Variants in EPHX4 observed in about 807,000 individuals in gnomAD.
The protein encoded by EPHX4 is epoxide hydrolase 4.
In EPHX4, 31 loss-of-function variants were observed where a neutral mutation model predicts 44.9. The ratio of observed to expected loss-of-function variants is 0.69; its 90% CI spans 0.52 to 0.93. The LOEUF is 0.93. Among genes scored for constraint, EPHX4 ranks in the 40% least tolerant of loss-of-function variants. The probability of loss-of-function intolerance (pLI) is 0.00; values close to 1 mark genes in which losing one functional copy is unlikely to be tolerated. For synonymous variants in EPHX4, 151 were observed against 159.7 expected, an observed-to-expected ratio of 0.95 and a Z score of 0.41; for missense variants, 373 against 438.1, an observed-to-expected ratio of 0.85 and a Z score of 1.33.
intron 6 of EPHX4, among the ~76,000 whole-genome samples, chr1:92,060,240 C>T (rs964462003): frequency 6.6e-6 from 1 of 151,350 alleles, no homozygotes; most frequent in Non-Finnish European, 1.5e-5. Context: ...GACAATGTGT[C>T]TAGAAAAAAA....
Position 92,030,277 on chromosome 1 carries a change from C to G in EPHX4, c.198C>G (p.Pro66=). 6.3e-7 allele frequency: 1 copy of G among 1,597,620 alleles called. No homozygotes were observed. Among genetic ancestry groups the G allele is most frequent in the Non-Finnish European group, 8.5e-7 (1 of 1,172,736 alleles). ...ACCCTCCCGCGTGCCTGAGCGACCC[C>G]TCCTTGGGCACCCACTGCTACGTGC... is the stretch of plus-strand genomic sequence containing the variant. The part of the protein sequence containing the change: ...REHPPACLSD[P]SLGTHCYVRI... The change falls in exon 1 of 7, where the codon CCC becomes CCG. Residue 66 remains proline, a synonymous_variant. Coordinates refer to ENST00000370383, the MANE Select transcript of EPHX4 (RefSeq NM_173567.5).
At chr1:92,058,377 G>T (rs1647417966) in intron 6 of EPHX4, among the ~76,000 whole-genome samples, 1 of 151,716 alleles carries the variant, frequency 6.6e-6, no homozygotes, top group African/African-American at 2.4e-5. Context: ...GGAGGTGGAG[G>T]TTGTGGTGAG....
At chr1:92,048,404 T>C (rs1029544313) in intron 4 of EPHX4, among the ~76,000 whole-genome samples, 1 of 152,182 alleles carries the variant, frequency 6.6e-6, no homozygotes, top group South Asian at 2.1e-4. Flanking sequence ...AGCAAGAAAA[T>C]ACTTGGAATA....
chr1:92,054,945 C>A (rs1346474590), intron 6 of EPHX4, among the ~76,000 whole-genome samples: 2 of 151,886 alleles, frequency 1.3e-5, no homozygotes, highest in Admixed American at 6.6e-5. Context: ...ATGTAAAAAG[C>A]AAGTTGTAAT....
intron 4 of EPHX4, among the ~76,000 whole-genome samples, chr1:92,046,742 G>A (rs1053797716): frequency 3.9e-5 from 6 of 152,158 alleles, no homozygotes; most frequent in African/African-American, 1.2e-4. Flanking sequence ...GATTACAGGC[G>A]TGAGCCACCG....
chr1:92,044,894 G>T (rs143047406), intron 3 of EPHX4, among the ~76,000 whole-genome samples: 1 of 151,954 alleles, frequency 6.6e-6, no homozygotes, highest in East Asian at 1.9e-4. Context: ...CAGGTCCATG[G>T]GACCAGAGCT....
At chr1:92,060,650 G>C (rs1647475861) in intron 6 of EPHX4, among the ~76,000 whole-genome samples, 1 of 151,596 alleles carries the variant, frequency 6.6e-6, no homozygotes, top group Admixed American at 6.6e-5. Context: ...CGGGTGCGAT[G>C]GCTCACACCT....
intron 4 of EPHX4, among the ~76,000 whole-genome samples, chr1:92,047,750 T>A (rs1688602129): frequency 6.6e-6 from 1 of 152,308 alleles, no homozygotes; most frequent in East Asian, 1.9e-4. Context: ...TTAACCATCA[T>A]TGCTTTTGTA....
intron 4 of EPHX4, among the ~76,000 whole-genome samples, chr1:92,046,987 A>T (rs1373338784): frequency 2.0e-5 from 3 of 152,220 alleles, no homozygotes. Context: ...ACATTCTTTG[A>T]CATCACCCTA....
intron 2 of EPHX4, among the ~76,000 whole-genome samples, chr1:92,035,773 C>T (rs992399805): frequency 2.0e-5 from 3 of 152,118 alleles, no homozygotes; most frequent in Admixed American, 2.0e-4. Context: ...CTCTCCCCAC[C>T]CCCAACAGGC....
At chr1:92,050,621 G>A (rs1647232048) in intron 5 of EPHX4, among the ~76,000 whole-genome samples, 1 of 151,642 alleles carries the variant, frequency 6.6e-6, no homozygotes, top group African/African-American at 2.4e-5. Flanking sequence ...TCAAATTTTT[G>A]TAAGACTGTG....
chr1:92,058,787 C>A (rs991733006), intron 6 of EPHX4, among the ~76,000 whole-genome samples: 1 of 152,078 alleles, frequency 6.6e-6, no homozygotes, highest in Non-Finnish European at 1.5e-5. Context: ...CAAGGAGATA[C>A]AAAACCTCTA....
At chr1:92,049,010 C>CT (rs1483263654) in intron 4 of EPHX4, among the ~76,000 whole-genome samples, 1 of 151,482 alleles carries the variant, frequency 6.6e-6, no homozygotes, top group African/African-American at 2.4e-5. Context: ...GCTTTACACA[C>CT]TTTTTTATTA....
chr1:92,037,086 A>G (rs1389269733), intron 2 of EPHX4, among the ~76,000 whole-genome samples: 4 of 152,218 alleles, frequency 2.6e-5, no homozygotes, highest in Non-Finnish European at 5.9e-5. Context: ...ATTTCAAACC[A>G]ATTTCAATTT....
intron 4 of EPHX4, among the ~76,000 whole-genome samples, chr1:92,047,085 G>A (rs1688593219): frequency 6.6e-6 from 1 of 152,182 alleles, no homozygotes; most frequent in South Asian, 2.1e-4. Context: ...AGGTTCATTT[G>A]AAAGTCTGAT....
intron 6 of EPHX4, among the ~76,000 whole-genome samples, chr1:92,059,246 G>A (rs975315069): frequency 6.6e-6 from 1 of 152,142 alleles, no homozygotes; most frequent in African/African-American, 2.4e-5. Context: ...GACCAGCCTG[G>A]CCAACATAGT....
At chr1:92,030,874 T>C (rs1688350155) in intron 1 of EPHX4, among the ~76,000 whole-genome samples, 1 of 152,174 alleles carries the variant, frequency 6.6e-6, no homozygotes, top group African/African-American at 2.4e-5. Flanking sequence ...GAGGAATGCA[T>C]ACTTATGAAG....
chr1:92,052,526 T>C lies in EPHX4; in HGVS notation c.725T>C (p.Phe242Ser). 6.2e-7 allele frequency: 1 copy of C among 1,603,758 alleles called. No homozygotes were observed. The highest frequency in any genetic ancestry group is 8.5e-7 in the Non-Finnish European group (1 of 1,176,872). Reference sequence around the variant, plus strand: ...TTAAATTAGGTTTTGAAACATCTGTTTACCAGTCACAGCACTGGCATTGGA... The same window carrying C: ...TTAAATTAGGTTTTGAAACATCTGTCTACCAGTCACAGCACTGGCATTGGA... ...INDFKVLKHL[F>S]TSHSTGIGRK... The change falls in exon 6 of 7, where the codon TTT becomes TCT. Residue 242 changes from phenylalanine (F) to serine (S), a missense_variant. Coordinates refer to ENST00000370383, the MANE Select transcript of EPHX4 (RefSeq NM_173567.5).
intron 2 of EPHX4, 49 bp from the exon 3 acceptor site, chr1:92,042,774 G>C: frequency 2.3e-6 from 3 of 1,298,448 alleles, no homozygotes; most frequent in Non-Finnish European, 3.2e-6. Flanking sequence ...TAATGTTACT[G>C]TTTGTACTAG....
Sources: allele counts gnomAD v4.1 joint callset (sites outside exome capture counted in the v4.1 genomes callset), GRCh38; gene constraint gnomAD v4.1.1; transcripts MANE v1.5; gene names NCBI Gene and HGNC (gene_info 2026-07-23, HGNC 2026-07-21).